SLC25A45: variants seen among roughly 807,000 people sequenced by gnomAD.
SLC25A45 encodes the protein solute carrier family 25 member 45.
Under a neutral mutation model 23.0 loss-of-function variants are expected in SLC25A45, and 22 were observed. The observed-to-expected ratio is 0.95, with a 90% CI of 0.68 to 1.36. The LOEUF (loss-of-function observed/expected upper bound fraction) is 1.36, where lower values mean the gene tolerates loss of function less well. Among genes scored for constraint, SLC25A45 ranks in the 40% most tolerant of loss-of-function variants. SLC25A45 has a pLI of 0.00. For missense variants in SLC25A45, 355 were observed against 383.5 expected (o/e 0.93, Z 0.62); for synonymous variants, 136 against 155.0 (o/e 0.88, Z 0.91).
Position 65,377,025 on chromosome 11 carries a change from T to A in SLC25A45, c.391A>T (p.Thr131Ser). ...CTCCCTGGCTGGGCCCTTGGCTCTG[T>A]CTGGTTTTGTAGCCGGACTTTGATG... ...DLIKVRLQNQ[T>S]EPRAQPGSPP... Residue 131 changes from threonine (T) to serine (S), a missense_variant, in exon 6 of 7, where the codon ACA becomes TCA. Transcript: ENST00000398802. The A allele has an allele frequency of 6.2e-7, 1 of 1,613,906 alleles. No homozygotes were observed. Among genetic ancestry groups the A allele is most frequent in the African/African-American group, 1.3e-5 (1 of 75,038 alleles).
intron 2 of SLC25A45, 188 bp downstream of exon 2, chr11:65,381,727 T>C (rs1389227284): frequency 3.0e-6 from 2 of 657,070 alleles, no homozygotes; most frequent in East Asian, 5.6e-5. Flanking sequence ...GCTAATTATT[T>C]TGATTTTTTT....
chr11:65,377,193 C>A (rs924034991), intron 5 of SLC25A45, 117 bp from the exon 6 acceptor site: 11 of 1,455,658 alleles, frequency 7.6e-6, no homozygotes, highest in Non-Finnish European at 9.0e-6. Context: ...CCTCAGGAAC[C>A]CTGCCGGCAC....
At chr11:65,379,745 A>G (rs937516489) in intron 4 of SLC25A45, 122 bp downstream of exon 4, 38 of 1,379,110 alleles carry the variant, frequency 2.8e-5, no homozygotes, top group Non-Finnish European at 3.8e-5. Context: ...AGGCCCCCCA[A>G]GGATCCCAGA....
Position 65,376,829 on chromosome 11 carries a change from CCTT to C in SLC25A45, c.584_586del (p.Glu195del). ...GCCACTTTACTTACTGGGATTCTGG[CCTT>C]CTGGTGTGTACTGGCGACAGAGCCC... On this transcript the variant is annotated inframe_deletion, in exon 6 of 7. Coordinates refer to ENST00000398802, the MANE Select transcript of SLC25A45 (RefSeq NM_182556.4). 3 of 1,614,230 alleles carry C rather than the reference CCTT, an allele frequency of 1.9e-6. No homozygotes were observed. Among genetic ancestry groups the C allele is most frequent in the Non-Finnish European group, 2.5e-6 (3 of 1,180,042 alleles).
Position 65,376,489 on chromosome 11 carries a change from A to AC in SLC25A45, c.784dup (p.Val262GlyfsTer96), listed in dbSNP as rs754960753. The AC allele has an allele frequency of 1.3e-5, 21 of 1,613,868 alleles. No homozygotes were observed. In the Admixed American group the frequency reaches 1.8e-4, roughly 14 times the overall value. On this transcript the variant is annotated frameshift_variant, in exon 7 of 7. Coordinates refer to ENST00000398802, the MANE Select transcript of SLC25A45 (RefSeq NM_182556.4). LOFTEE classifies it high-confidence loss of function. ...AAAGGCGCGGGCACTGTTGATGGTG[A>AC]CCCCCCGGAAGAAGACTCCCAGTCC...
rs1472442802 is a variant in SLC25A45 at position 65,382,600 on chromosome 11, T to G, written c.-133A>C. 1 of 154,352 alleles carries G rather than the reference T, an allele frequency of 6.5e-6. No individual in the cohort carries two copies. Among genetic ancestry groups the G allele is most frequent in the East Asian group, 1.9e-4 (1 of 5,262 alleles). The allele number at this position is 154,352 out of a possible 1,614,324, so 9.6% of individuals were successfully genotyped here. On this transcript the variant is annotated 5_prime_UTR_variant, in exon 1 of 7. It removes the in-frame stop codon of an upstream open reading frame in the 5' UTR. Transcript: ENST00000398802. The surrounding 1 kb of genome is among the most constrained non-coding windows in gnomAD (Gnocchi z 4.4). ...CCCAGGGGAAAGATAGGGGTTTTGA[T>G]TATTTAAAGTGCGTGTTGATCTGCA...
Position 65,376,137 on chromosome 11 carries a change from T to C in SLC25A45, c.*270A>G, listed in dbSNP as rs1047882466. Reference sequence around the variant, plus strand: ...GGAGCTGGGATGTCACCAGCACCACTTGCCAGCTCACTTGTGCCTCATGCT... The same window carrying C: ...GGAGCTGGGATGTCACCAGCACCACCTGCCAGCTCACTTGTGCCTCATGCT... On this transcript the variant is annotated 3_prime_UTR_variant, in exon 7 of 7. Transcript: ENST00000398802. The C allele has an allele frequency of 1.9e-6, 1 of 536,338 alleles. No homozygotes were observed. The highest frequency in any genetic ancestry group is 1.9e-5 in the African/African-American group (1 of 52,190). 33.2% of individuals were successfully genotyped at this position (536,338 alleles called of 1,614,324 possible).
At chr11:65,377,537 C>T in intron 5 of SLC25A45, 1 of 500,416 alleles carries the variant, frequency 2.0e-6, no homozygotes, top group Non-Finnish European at 2.6e-6. Context: ...TCTCCTGCGC[C>T]CACCTCTCAG....
At chr11:65,379,654 G>C (rs560466603) in intron 4 of SLC25A45, 93 bp from the exon 5 acceptor site, 1 of 1,384,606 alleles carries the variant, frequency 7.2e-7, no homozygotes, top group African/African-American at 1.4e-5. Context: ...GCTGGAAACT[G>C]CTCCCAAGTC....
At chr11:65,379,605 T>G (rs1855436101) in intron 4 of SLC25A45, 44 bp from the exon 5 acceptor site, 1 of 1,541,670 alleles carries the variant, frequency 6.5e-7, no homozygotes, top group African/African-American at 1.4e-5. Flanking sequence ...CCGTGGGGCC[T>G]CCCCTTTGTC....
intron 5 of SLC25A45, chr11:65,379,008 A>C: frequency 3.8e-6 from 1 of 262,262 alleles, no homozygotes; most frequent in Non-Finnish European, 7.4e-6. Flanking sequence ...CTGGGCTCAC[A>C]GCTCTGCGGG....
In SLC25A45 at chr11:65,376,275, G is replaced by A. The variant is rs1391574605; in HGVS notation, c.*132C>T. ...GTGTCTGCCCAGCCCAGATCTGCGC[G>A]GGTGGGAGGCACCTTGGTTAGGAAG... is the stretch of plus-strand genomic sequence containing the variant. On this transcript the variant is annotated 3_prime_UTR_variant, in exon 7 of 7. Coordinates refer to ENST00000398802, the MANE Select transcript of SLC25A45 (RefSeq NM_182556.4). The A allele has an allele frequency of 1.3e-5, 15 of 1,154,478 alleles. No individual in the cohort carries two copies. Among genetic ancestry groups the A allele is most frequent in the Admixed American group, 4.4e-5 (2 of 45,236 alleles). The allele number at this position is 1,154,478 out of a possible 1,614,324, so 71.5% of individuals were successfully genotyped here. A position where few individuals can be genotyped will look rare whatever the true frequency, so the allele number is the denominator to read the frequency against.
Position 65,380,134 on chromosome 11 carries a change from T to C in SLC25A45, c.79A>G (p.Lys27Glu), listed in dbSNP as rs1298384445. 1 of 1,614,042 alleles carries C rather than the reference T, an allele frequency of 6.2e-7. No homozygotes were observed. The highest frequency in any genetic ancestry group is 8.5e-7 in the Non-Finnish European group (1 of 1,179,910). The change falls in exon 3 of 7, where the codon AAG becomes GAG. Residue 27 changes from lysine to glutamate, a missense_variant and splice_region_variant. Lys to Glu is a moderately conservative substitution (Grantham distance 56, BLOSUM62 1). Transcript: ENST00000398802. Reference protein sequence around the residue: ...LVLGHPFDTVKVRLQTQTTYR... With the variant: ...LVLGHPFDTVEVRLQTQTTYR... ...TCTGGCAGCTCTCCTAAACTCACCT[T>C]TACAGTGTCAAACGGGTGTCCCAGG... is the stretch of plus-strand genomic sequence containing the variant.
rs761700958 is a variant in SLC25A45, at chr11:65,379,425, G to A, written c.290C>T (p.Pro97Leu). 6.2e-7 allele frequency: 1 copy of A among 1,612,998 alleles called. No individual in the cohort carries two copies. The highest frequency in any genetic ancestry group is 1.1e-5 in the South Asian group (1 of 91,074). The change falls in exon 5 of 7, where the codon CCC (proline) becomes CTC (leucine). Residue 97 changes from proline (P) to leucine (L), a missense_variant. Pro to Leu is a moderately conservative substitution (Grantham distance 98). Coordinates refer to ENST00000398802, the MANE Select transcript of SLC25A45 (RefSeq NM_182556.4). ...TSHQERRAQP[P>L]SYMHIFLAGC... The stretch of plus-strand genomic sequence containing the variant: ...CGCTAGGAAGATGTGCATGTAGCTG[G>A]GCGGCTGGGCCCGCCGCTCCTGGTG...
At chr11:65,377,527 TCTC>T in intron 5 of SLC25A45, 1 of 569,592 alleles carries the variant, frequency 1.8e-6, no homozygotes, top group South Asian at 7.1e-5. Context: ...TGAGTGCTGT[TCTC>T]CTGCGCCCAC....
rs755009708 is a variant in SLC25A45, at chr11:65,376,677, T to A, written c.599-2A>T. ...CTGCCACCAGCACCGTGGCTGAGCC[T>A]GGGGCAGAGAGAGCCCAGAGCAGGG... is the stretch of plus-strand genomic sequence containing the variant. On this transcript the variant is annotated splice_acceptor_variant, in intron 6 of 6. Coordinates refer to ENST00000398802, the MANE Select transcript of SLC25A45 (RefSeq NM_182556.4). LOFTEE classifies it high-confidence loss of function. The A allele has an allele frequency of 4.3e-6, 7 of 1,613,802 alleles. No homozygotes were observed. In the South Asian group the frequency reaches 7.7e-5, roughly 18 times the overall value.
Position 65,382,646 on chromosome 11 carries a change from C to T in SLC25A45, c.-179G>A, listed in dbSNP as rs1475405356. ...CTGCAATGGCACCATTCTGCTCAGT[C>T]AAAACCAAAACCCTTTCAAGGATCT... On this transcript the variant is annotated 5_prime_UTR_variant, in exon 1 of 7. Transcript: ENST00000398802. The surrounding 1 kb of genome is among the most constrained non-coding windows in gnomAD (Gnocchi z 4.4). 6.6e-6 allele frequency: 1 copy of T among 152,576 alleles called. No homozygotes were observed. Among genetic ancestry groups the T allele is most frequent in the African/African-American group, 2.4e-5 (1 of 41,400 alleles). The allele number at this position is 152,576 out of a possible 1,614,324, so 9.5% of individuals were successfully genotyped here. A position where few individuals can be genotyped will look rare whatever the true frequency, so the allele number is the denominator to read the frequency against.
intron 5 of SLC25A45, 141 bp from the exon 6 acceptor site, chr11:65,377,217 T>G (rs948297496): frequency 5.6e-6 from 8 of 1,440,850 alleles, no homozygotes; most frequent in Non-Finnish European, 7.3e-6. Context: ...GCCTCTCACG[T>G]GCATGTGTGG....
rs996068623 is a variant in SLC25A45, at chr11:65,377,384, G to A, written c.340-308C>T. 29 of 1,233,672 alleles carry A rather than the reference G, an allele frequency of 2.4e-5. No homozygotes were observed. The East Asian group carries it at 7.8e-4, about 33-fold the overall frequency. The allele number at this position is 1,233,672 out of a possible 1,614,324, so 76.4% of individuals were successfully genotyped here. A position where few individuals can be genotyped will look rare whatever the true frequency, so the allele number is the denominator to read the frequency against. ...AGCCTGGATTCTTTTTGCAGGAGCA[G>A]GTTGGTTTCTGGCCTCCCTAAAGCC... On this transcript the variant is annotated intron_variant, in intron 5 of 6. Transcript: ENST00000398802.
Sources: gnomAD v4.1 joint callset for allele counts on GRCh38, gnomAD v4.1.1 for gene constraint, Gnocchi (gnomAD v3.1) non-coding constraint, MANE v1.5 for transcripts, NCBI Gene and HGNC (gene_info 2026-07-23, HGNC 2026-07-21) for gene names.